ADAP1: variants seen among roughly 807,000 people sequenced by gnomAD.
ADAP1 encodes the protein arf-GAP with dual PH domain-containing protein 1.
In ADAP1, 31 loss-of-function variants were observed where a neutral mutation model predicts 54.9. That is an observed-to-expected ratio of 0.56 (90% CI 0.42 to 0.76). ADAP1 has a LOEUF of 0.76. Among genes scored for constraint, ADAP1 ranks in the 30% least tolerant of loss-of-function variants. The pLI is 0.00. For missense variants in ADAP1, 535 were observed against 512.4 expected (o/e 1.04, Z -0.42); for synonymous variants, 313 against 202.6 (o/e 1.55, Z -4.63).
Position 898,653 on chromosome 7 carries a change from GC to G in ADAP1, c.*267del. The G allele has an allele frequency of 3.7e-6, 2 of 535,598 alleles. No homozygotes were observed. The highest frequency in any genetic ancestry group is 2.0e-5 in the South Asian group (1 of 48,796). The allele number at this position is 535,598 out of a possible 1,614,324, so 33.2% of individuals were successfully genotyped here. On this transcript the variant is annotated 3_prime_UTR_variant, in exon 11 of 11. Transcript: ENST00000265846. ...CAGACTGGGCCCTGGAGGAAAGGGGGCCCCGGGTCAGGGAGGGGCAGGTTGG... is the reference window on the plus strand; with the variant it reads ...CAGACTGGGCCCTGGAGGAAAGGGGGCCCGGGTCAGGGAGGGGCAGGTTGG...
rs13233276 is a variant in ADAP1 at position 920,538 on chromosome 7, C to T, written c.306-488G>A. Among the ~76,000 whole-genome samples the T allele has an allele frequency of 0.17, 25,756 of 151,742 alleles. 2,866 individuals carry two copies. Among genetic ancestry groups the T allele is most frequent in the Admixed American group, 0.25 (3,848 of 15,182 alleles). ...TGCACCCCCCGTGCCGCCCTCCACCCGCCGTGCCGCCCTCCACGTGGTTCT... is the reference window on the plus strand; with the variant it reads ...TGCACCCCCCGTGCCGCCCTCCACCTGCCGTGCCGCCCTCCACGTGGTTCT... On this transcript the variant is annotated intron_variant, in intron 3 of 10. Coordinates refer to ENST00000265846, the MANE Select transcript of ADAP1 (RefSeq NM_006869.4). The surrounding 1 kb of genome is among the most constrained non-coding windows in gnomAD (Gnocchi z 4.5).
intron 2 of ADAP1, among the ~76,000 whole-genome samples, chr7:929,593 C>T (rs1846501510): frequency 6.6e-6 from 1 of 151,444 alleles, no homozygotes. Context: ...AGCAAATCCA[C>T]AGAGACACAA....
chr7:929,113 G>C (rs1427167502), intron 2 of ADAP1, among the ~76,000 whole-genome samples: 1 of 152,056 alleles, frequency 6.6e-6, no homozygotes, highest in Non-Finnish European at 1.5e-5. Context: ...GCAACACGGT[G>C]AGACCCCGTC....
intron 5 of ADAP1, 42 bp downstream of exon 5, chr7:905,018 G>A (rs113598521): frequency 1.7e-4 from 267 of 1,569,952 alleles, no homozygotes; most frequent in African/African-American, 1.1e-3. Context: ...CCGGGATGCC[G>A]CCCTGGGACA....
At chr7:900,735 C>T in intron 6 of ADAP1, 119 bp from the exon 7 acceptor site, 1 of 810,602 alleles carries the variant, frequency 1.2e-6, no homozygotes, top group East Asian at 3.2e-5. Context: ...CCTTCCTCCT[C>T]CCCGGCACCT....
At chr7:919,759 G>C (rs1337375253) in intron 4 of ADAP1, among the ~76,000 whole-genome samples, 1 of 16,846 alleles carries the variant, frequency 5.9e-5, no homozygotes, top group Non-Finnish European at 1.1e-4. Flanking sequence ...AGGGAGATGG[G>C]GGGGAAGGGG....
At chr7:919,460 G>A (rs373879363) in intron 4 of ADAP1, among the ~76,000 whole-genome samples, 5 of 151,980 alleles carry the variant, frequency 3.3e-5, no homozygotes, top group South Asian at 2.1e-4. Flanking sequence ...AAACAGGTCC[G>A]GGGACGCGGG....
intron 4 of ADAP1, among the ~76,000 whole-genome samples, chr7:905,912 A>AGAAGGGAGAAGGGAGAAGGGAGAAGGGAG (rs1562913229): frequency 2.8e-4 from 1 of 3,540 alleles, no homozygotes; most frequent in African/African-American, 6.0e-4. Flanking sequence ...GGAGAAAGGG[A>AGAAGGGAGAAGGGAGAAGGGAGAAGGGAG]AAGGAGAAAG....
At chr7:900,476 A>ACCCCCCC in intron 7 of ADAP1, 57 bp downstream of exon 7, 2 of 1,065,206 alleles carry the variant, frequency 1.9e-6, no homozygotes, top group Non-Finnish European at 1.4e-6. Context: ...GGCTCCGTCC[A>ACCCCCCC]CCCCCCACCC....
At position 898,918 on chromosome 7, in the gene ADAP1, T is replaced by C. The variant is rs201286469; in HGVS notation, c.*3A>G. 1,090 of 1,603,450 alleles carry C rather than the reference T, an allele frequency of 6.8e-4. 7 individuals carry two copies. In the African/African-American group the frequency reaches 0.013, roughly 19 times the overall value. On this transcript the variant is annotated 3_prime_UTR_variant, in exon 11 of 11. Transcript: ENST00000265846. ...AATGTCCGTGGTCCTCCAGCCGCAC[T>C]CGCTAAGGTTTATGCTTGAAGTGCG...
chr7:928,521 C>T (rs925205901), intron 2 of ADAP1, among the ~76,000 whole-genome samples: 12 of 152,234 alleles, frequency 7.9e-5, no homozygotes, highest in Admixed American at 7.2e-4. Flanking sequence ...CTCAAGCCAT[C>T]GTCCCACCTC....
chr7:902,073 G>A (rs1401325084), intron 6 of ADAP1, among the ~76,000 whole-genome samples: 4 of 152,098 alleles, frequency 2.6e-5, no homozygotes, highest in African/African-American at 9.7e-5. Flanking sequence ...TGGGGGCCAA[G>A]CGTCTGCCCT....
At chr7:923,910 G>A (rs1294668834) in intron 3 of ADAP1, among the ~76,000 whole-genome samples, 2 of 152,166 alleles carry the variant, frequency 1.3e-5, no homozygotes, top group East Asian at 1.9e-4. Context: ...GGGGGCAGAC[G>A]TGGGAGGAAG....
intron 1 of ADAP1, among the ~76,000 whole-genome samples, 167 bp downstream of exon 1, chr7:954,229 C>A (rs964835650): frequency 7.9e-5 from 12 of 151,346 alleles, no homozygotes; most frequent in African/African-American, 2.9e-4. Context: ...CAGGTGCAGC[C>A]GGGCCCGGGC....
At chr7:918,622 C>A (rs1299166118) in intron 4 of ADAP1, among the ~76,000 whole-genome samples, 1 of 152,180 alleles carries the variant, frequency 6.6e-6, no homozygotes, top group Non-Finnish European at 1.5e-5. Flanking sequence ...CCATGCCCAG[C>A]AGCACCAAAC....
At chr7:905,556 AAGG>A (rs1583129453) in intron 4 of ADAP1, 2 of 48,152 alleles carry the variant, frequency 4.2e-5, no homozygotes, top group East Asian at 1.5e-3. Context: ...AGAAGGGAGA[AAGG>A]AGAAAGGAGA....
intron 2 of ADAP1, among the ~76,000 whole-genome samples, chr7:932,012 C>T (rs1266758948): frequency 6.6e-6 from 1 of 152,178 alleles, no homozygotes; most frequent in Non-Finnish European, 1.5e-5. Context: ...CCACAGAGTC[C>T]CCAGCAAGAA....
Position 898,820 on chromosome 7 carries a change from G to A in ADAP1, c.*101C>T, listed in dbSNP as rs1263102365. On this transcript the variant is annotated 3_prime_UTR_variant, in exon 11 of 11. Transcript: ENST00000265846. ...CGCGCCGGGCTGCCCTGAGGAGCAG[G>A]TGGGGCCAGGTGGCCTCAGGACGCC... 11 of 1,498,484 alleles carry A rather than the reference G, an allele frequency of 7.3e-6. No homozygotes were observed. Among genetic ancestry groups the A allele is most frequent in the Non-Finnish European group, 9.0e-6 (10 of 1,109,066 alleles). The allele number at this position is 1,498,484 out of a possible 1,614,324, so 92.8% of individuals were successfully genotyped here. A position where few individuals can be genotyped will look rare whatever the true frequency, so the allele number is the denominator to read the frequency against.
intron 6 of ADAP1, chr7:903,921 A>G (rs922863362): frequency 1.7e-6 from 1 of 601,082 alleles, no homozygotes; most frequent in African/African-American, 1.9e-5. Context: ...CTGTCTTCCC[A>G]TGCTGCCCGG....
Sources: gnomAD v4.1 joint callset for allele counts (sites outside exome capture counted in the v4.1 genomes callset) on GRCh38, gnomAD v4.1.1 for gene constraint, Gnocchi (gnomAD v3.1) non-coding constraint, MANE v1.5 for transcripts, NCBI Gene and HGNC (gene_info 2026-07-23, HGNC 2026-07-21) for gene names.